LGMN: variants seen among roughly 807,000 people sequenced by gnomAD.
LGMN encodes the protein asparaginyl endopeptidase.
Under a neutral mutation model 56.8 loss-of-function variants are expected in LGMN, and 36 were observed. The ratio of observed to expected loss-of-function variants is 0.63; its 90% CI spans 0.49 to 0.84. The LOEUF (loss-of-function observed/expected upper bound fraction) is 0.84, where lower values mean the gene tolerates loss of function less well. Ranked by LOEUF, LGMN falls within the 40% of genes least tolerant of loss-of-function variation. The pLI is 0.00. For synonymous variants in LGMN, 199 were observed against 210.1 expected (o/e 0.95, Z 0.46); for missense variants, 446 against 556.1 (o/e 0.80, Z 1.99).
rs146263154 is a variant in LGMN at position 92,724,749 on chromosome 14, G to A, written c.139-5905C>T. On this transcript the variant is annotated intron_variant, in intron 2 of 13. Transcript: ENST00000334869. ...TTCCTAATGCCTCCCGTGATTTGCC[G>A]ATAGGGCAACTGTCCCTACTCTGTC... Among the ~76,000 whole-genome samples, 506 of 152,310 alleles carry A rather than the reference G, an allele frequency of 3.3e-3. 2 individuals are homozygous for A. Among genetic ancestry groups the A allele is most frequent in the Non-Finnish European group, 4.7e-3 (319 of 68,030 alleles).
chr14:92,704,846 A>T, intron 12 of LGMN, 139 bp from the exon 13 acceptor site: 1 of 698,910 alleles, frequency 1.4e-6, no homozygotes. Flanking sequence ...CCCAACCTTT[A>T]GATAATCTGG....
chr14:92,712,489 C>G (rs1889833321), intron 8 of LGMN, among the ~76,000 whole-genome samples: 1 of 152,210 alleles, frequency 6.6e-6, no homozygotes. Flanking sequence ...GAGTCAGTCA[C>G]CTGCTTTGAG....
intron 12 of LGMN, 21 bp from the exon 13 acceptor site, chr14:92,704,728 A>G (rs755156940): frequency 1.9e-6 from 3 of 1,595,718 alleles, no homozygotes; most frequent in Non-Finnish European, 1.7e-6. Context: ...ACAAACGAGA[A>G]GAATGAAACT....
At chr14:92,748,082 C>T (rs1891896417) in intron 1 of LGMN, among the ~76,000 whole-genome samples, 1 of 152,094 alleles carries the variant, frequency 6.6e-6, no homozygotes. Flanking sequence ...GGGTGCAATC[C>T]TCCACATTAA....
At chr14:92,731,428 A>C (rs752473861) in intron 2 of LGMN, among the ~76,000 whole-genome samples, 4 of 152,216 alleles carry the variant, frequency 2.6e-5, no homozygotes, top group Admixed American at 2.0e-4. Context: ...TCCTGCAAAG[A>C]GAGACCCCAT....
intron 2 of LGMN, among the ~76,000 whole-genome samples, chr14:92,726,538 G>A (rs967493410): frequency 6.6e-6 from 1 of 152,212 alleles, no homozygotes. Flanking sequence ...AGCACACAGA[G>A]TGAGGAGCTC....
At chr14:92,726,237 C>CAA (rs371855377) in intron 2 of LGMN, among the ~76,000 whole-genome samples, 1,334 of 117,934 alleles carry the variant, frequency 0.011, 12 homozygotes, top group South Asian at 0.034. Context: ...GGCTCTGTCT[C>CAA]AAAAAAAAAA....
At chr14:92,705,518 C>A (rs373510423) in intron 12 of LGMN, among the ~76,000 whole-genome samples, 2,963 of 151,186 alleles carry the variant, frequency 0.02, 92 homozygotes, top group African/African-American at 0.066. Flanking sequence ...AACAAACAAA[C>A]AAAAAAAACA....
intron 2 of LGMN, among the ~76,000 whole-genome samples, chr14:92,719,341 ACCG>A (rs1890329361): frequency 6.1e-5 from 7 of 115,422 alleles, no homozygotes; most frequent in African/African-American, 1.8e-4. Context: ...CACCGCCATC[ACCG>A]CCACCACCAC....
rs1164453475 is a variant in LGMN, at chr14:92,714,948, A to G, written c.405-497T>C. ...AAGTGGCAGAGATGTAGTAACTTAC[A>G]TGAAGCCAATTTGGTTCACCCTCAC... On this transcript the variant is annotated intron_variant, in intron 5 of 13. Transcript: ENST00000334869. This position sits in a 1 kb window ranked among gnomAD's most constrained non-coding sequence, Gnocchi z 5.1. 2.0e-5 allele frequency among the ~76,000 whole-genome samples: 3 copies of G among 151,560 alleles called. No individual in the cohort carries two copies. Among genetic ancestry groups the G allele is most frequent in the Admixed American group, 2.0e-4 (3 of 15,238 alleles).
chr14:92,705,674 C>A (rs188699684), intron 12 of LGMN, among the ~76,000 whole-genome samples: 2 of 152,116 alleles, frequency 1.3e-5, no homozygotes, highest in African/African-American at 4.8e-5. Flanking sequence ...GTCGCCCAGG[C>A]TGGAGTATAG....
chr14:92,714,435 C>T lies in LGMN; in HGVS notation c.421G>A (p.Val141Met), dbSNP rs762702370. The T allele has an allele frequency of 1.1e-5, 17 of 1,610,640 alleles. No individual in the cohort carries two copies. Among genetic ancestry groups the T allele is most frequent in the East Asian group, 4.5e-5 (2 of 44,862 alleles). ...CCATGGTCAGTGAAGTAAATGAACA[C>T]GTGATCCTGGGGGCCACTGCCAAGA... ...KVLKSGPQDHVFIYFTDHGST... is the reference protein window; with the variant it reads ...KVLKSGPQDHMFIYFTDHGST... The change falls in exon 6 of 14, where the codon GTG becomes ATG. Residue 141 changes from valine (V) to methionine (M), a missense_variant. Physicochemically the swap from Val to Met is conservative, Grantham distance 21. Coordinates refer to ENST00000334869, the MANE Select transcript of LGMN (RefSeq NM_005606.7). The surrounding 1 kb of genome is among the most constrained non-coding windows in gnomAD (Gnocchi z 5.1).
chr14:92,737,891 C>T (rs552435856), intron 1 of LGMN, among the ~76,000 whole-genome samples: 44 of 152,290 alleles, frequency 2.9e-4, no homozygotes, highest in Admixed American at 2.7e-3. Context: ...AGAAGATGCC[C>T]CCAGACCACA....
rs1158154775 is a variant in LGMN, at chr14:92,711,964, A to C, written c.611-9T>G. The C allele has an allele frequency of 6.3e-7, 1 of 1,578,450 alleles. No individual in the cohort carries two copies. The highest frequency in any genetic ancestry group is 2.2e-5 in the East Asian group (1 of 44,726). On this transcript the variant is annotated splice_polypyrimidine_tract_variant and intron_variant, in intron 8 of 13. Coordinates refer to ENST00000334869, the MANE Select transcript of LGMN (RefSeq NM_005606.7). ...AGCAGTAGTTGCATAAACTACGAGGAATTAAAGATGATCTTTTAGTTGCAT... is the reference window on the plus strand; with the variant it reads ...AGCAGTAGTTGCATAAACTACGAGGCATTAAAGATGATCTTTTAGTTGCAT...
intron 1 of LGMN, among the ~76,000 whole-genome samples, chr14:92,739,978 C>T (rs1285001467): frequency 5.9e-5 from 9 of 152,226 alleles, no homozygotes; most frequent in East Asian, 1.9e-4. Flanking sequence ...CAGCTGGGCA[C>T]GGTGGCTCAC....
At chr14:92,720,517 A>G (rs1890403494) in intron 2 of LGMN, among the ~76,000 whole-genome samples, 1 of 152,142 alleles carries the variant, frequency 6.6e-6, no homozygotes, top group Non-Finnish European at 1.5e-5. Context: ...AAAATACAAA[A>G]TTAGCCAGGC....
intron 1 of LGMN, among the ~76,000 whole-genome samples, chr14:92,740,445 A>G (rs1891496344): frequency 6.6e-6 from 1 of 152,334 alleles, no homozygotes; most frequent in East Asian, 1.9e-4. Flanking sequence ...AGGCTCAGAA[A>G]GGTAGAGAAA....
At chr14:92,719,212 GCCACCAACACCACCACCGCCA>G (rs1890258473) in intron 2 of LGMN, among the ~76,000 whole-genome samples, 1 of 48,918 alleles carries the variant, frequency 2.0e-5, no homozygotes, top group Non-Finnish European at 3.9e-5. Flanking sequence ...CACCACCACC[GCCACCAACACCACCACCGCCA>G]CCGCCACCAC....
chr14:92,704,161 A>C lies in LGMN; in HGVS notation c.*158T>G. 1.2e-6 allele frequency: 1 copy of C among 855,298 alleles called. No individual in the cohort carries two copies. The highest frequency in any genetic ancestry group is 2.0e-6 in the Non-Finnish European group (1 of 503,114). 53.0% of individuals were successfully genotyped at this position (855,298 alleles called of 1,614,324 possible). On this transcript the variant is annotated 3_prime_UTR_variant, in exon 14 of 14. Transcript: ENST00000334869. ...ACTGGGGAAGCAGGTAACAGCGAGC[A>C]AGTCATCTTGTGAAGAAGGTCCTGG...
Sources: gnomAD v4.1 joint callset for allele counts (sites outside exome capture counted in the v4.1 genomes callset) on GRCh38, gnomAD v4.1.1 for gene constraint, Gnocchi (gnomAD v3.1) non-coding constraint, MANE v1.5 for transcripts, NCBI Gene and HGNC (gene_info 2026-07-23, HGNC 2026-07-21) for gene names.